The following ARHGEF10L variants were observed in gnomAD, a reference collection of about 807,000 sequenced individuals.
The protein encoded by ARHGEF10L is rho guanine nucleotide exchange factor 10-like protein.
Under a neutral mutation model 141.2 loss-of-function variants are expected in ARHGEF10L, and 69 were observed. That is an observed-to-expected ratio of 0.49 (90% confidence interval 0.40 to 0.60). ARHGEF10L has a LOEUF of 0.60. Ranked by LOEUF, ARHGEF10L falls within the 20% of genes least tolerant of loss-of-function variation. The pLI, the probability that ARHGEF10L is intolerant of heterozygous loss-of-function variation, is 0.00. For missense variants in ARHGEF10L, 1,482 were observed against 1,734.3 expected (o/e 0.85, Z 2.58); for synonymous variants, 711 against 718.5 (o/e 0.99, Z 0.17).
chr1:17,623,326 C>A lies in ARHGEF10L; in HGVS notation c.1200+151C>A. On this transcript the variant is annotated intron_variant, in intron 12 of 28. Transcript: ENST00000361221. This position sits in a 1 kb window ranked among gnomAD's most constrained non-coding sequence, Gnocchi z 4.7. ...GGTGGCAGGGTCTTCTGGGCCTGAT[C>A]TAGGGGTGAGTGTGACACCTTGAAG... 2.1e-6 allele frequency: 2 copies of A among 947,176 alleles called. No homozygotes were observed. Among genetic ancestry groups the A allele is most frequent in the Non-Finnish European group, 3.1e-6 (2 of 644,304 alleles). The allele number at this position is 947,176 out of a possible 1,614,324, so 58.7% of individuals were successfully genotyped here.
At chr1:17,686,905 C>T (rs949953481) in intron 26 of ARHGEF10L, among the ~76,000 whole-genome samples, 2 of 151,550 alleles carry the variant, frequency 1.3e-5, no homozygotes, top group Non-Finnish European at 2.9e-5. Context: ...GTCCACACTC[C>T]ACATCTCAGT....
rs758893075 is a variant in ARHGEF10L at position 17,627,486 on chromosome 1, C to T, written c.1567C>T (p.Arg523Cys). 2.7e-5 allele frequency: 44 copies of T among 1,611,930 alleles called. No homozygotes were observed. The South Asian group carries it at 4.1e-4, about 15-fold the overall frequency. The change falls in exon 15 of 29, where the codon CGC becomes TGC. Residue 523 changes from arginine (R) to cysteine (C), a missense_variant. Physicochemically the swap from Arg to Cys is radical, Grantham distance 180 (BLOSUM62 -3). Around this residue, in one of 3 missense-constraint regions of ARHGEF10L, gnomAD observed 392 missense variants for 542.1 expected, o/e 0.72. Coordinates refer to ENST00000361221, the MANE Select transcript of ARHGEF10L (RefSeq NM_018125.4). The surrounding 1 kb of genome is among the most constrained non-coding windows in gnomAD (Gnocchi z 4.0). ...GCAGCTGACCAAGAGCGTCAGTGAC[C>T]GCAGCAGCCTCAACAAGGTGAGCTG... is the stretch of plus-strand genomic sequence containing the variant. ...IQQLTKSVSDRSSLNKLLTSG... is the reference protein window; with the variant it reads ...IQQLTKSVSDCSSLNKLLTSG...
At chr1:17,523,063 T>C in the ARHGEF10L span, among the ~76,000 whole-genome samples, 1 of 149,836 alleles carries the variant, frequency 6.7e-6, no homozygotes, top group East Asian at 2.0e-4. Flanking sequence ...CATTGTTCCA[T>C]TTTCTTTTTA....
At chr1:17,585,571 G>A (rs549080640) in intron 2 of ARHGEF10L, among the ~76,000 whole-genome samples, 5 of 152,148 alleles carry the variant, frequency 3.3e-5, no homozygotes, top group Admixed American at 1.3e-4. Flanking sequence ...AGGAAGTTGG[G>A]TACTTCTCAT....
At chr1:17,671,139 AG>A (rs1557993796) in intron 26 of ARHGEF10L, among the ~76,000 whole-genome samples, 1 of 152,218 alleles carries the variant, frequency 6.6e-6, no homozygotes, top group African/African-American at 2.4e-5. Flanking sequence ...CCTCTCAGCC[AG>A]TTAGGGGTGA....
chr1:17,556,054 G>A (rs1305218191), intron 1 of ARHGEF10L, among the ~76,000 whole-genome samples: 3 of 149,954 alleles, frequency 2.0e-5, no homozygotes, highest in Non-Finnish European at 4.4e-5. Context: ...TGGGAGCACG[G>A]GGTTGAGCCT....
chr1:17,561,758 T>C (rs2077553757), intron 1 of ARHGEF10L, among the ~76,000 whole-genome samples: 1 of 152,240 alleles, frequency 6.6e-6, no homozygotes. Context: ...TTTGTTTTCC[T>C]TTCTTTTACT....
chr1:17,577,051 T>C (rs1442421752), intron 1 of ARHGEF10L, among the ~76,000 whole-genome samples: 1 of 152,216 alleles, frequency 6.6e-6, no homozygotes, highest in African/African-American at 2.4e-5. Context: ...TGTTTATTTA[T>C]TTATTTATTT....
At chr1:17,535,925 C>CG (rs911392279), upstream of ARHGEF10L, among the ~76,000 whole-genome samples, 13 of 152,090 alleles carry the variant, frequency 8.5e-5, no homozygotes, top group South Asian at 2.1e-4. Context: ...ACTCACAGTC[C>CG]GGGGGGGAGA....
chr1:17,595,933 G>A (rs1437298345), intron 4 of ARHGEF10L, among the ~76,000 whole-genome samples: 1 of 152,210 alleles, frequency 6.6e-6, no homozygotes, highest in Non-Finnish European at 1.5e-5. Flanking sequence ...CTCACAGCTG[G>A]AAGTAGGACT....
At chr1:17,517,326 TTTATTA>T in the ARHGEF10L span, among the ~76,000 whole-genome samples, 1 of 152,146 alleles carries the variant, frequency 6.6e-6, no homozygotes, top group Non-Finnish European at 1.5e-5. Flanking sequence ...AGAGGTGTTT[TTTATTA>T]TTATTATTTA....
chr1:17,684,150 C>A (rs1188424063), intron 26 of ARHGEF10L, among the ~76,000 whole-genome samples: 1 of 152,220 alleles, frequency 6.6e-6, no homozygotes, highest in East Asian at 1.9e-4. Context: ...CTGAAGGGGT[C>A]CCCTTGGCCT....
intron 26 of ARHGEF10L, among the ~76,000 whole-genome samples, chr1:17,665,129 G>A (rs1017454241): frequency 2.0e-5 from 3 of 152,202 alleles, no homozygotes; most frequent in African/African-American, 4.8e-5. Context: ...AGCACTGCCC[G>A]CTCACCTTCA....
At chr1:17,515,142 A>G in the ARHGEF10L span, among the ~76,000 whole-genome samples, 1 of 152,128 alleles carries the variant, frequency 6.6e-6, no homozygotes, top group African/African-American at 2.4e-5. Flanking sequence ...AGGGTCCTCA[A>G]TGGGGGGCAA....
chr1:17,687,818 C>T lies in ARHGEF10L; in HGVS notation c.3184+71C>T, dbSNP rs190475617. 216 of 1,456,250 alleles carry T rather than the reference C, an allele frequency of 1.5e-4. No individual in the cohort carries two copies. In the African/African-American group the frequency reaches 2.8e-3, roughly 19 times the overall value. The allele number at this position is 1,456,250 out of a possible 1,614,324, so 90.2% of individuals were successfully genotyped here. On this transcript the variant is annotated intron_variant, in intron 27 of 28. Coordinates refer to ENST00000361221, the MANE Select transcript of ARHGEF10L (RefSeq NM_018125.4). Reference sequence around the variant, plus strand: ...TTCCACGGCCAGGTAGTGGTGTGACCTGGGCAGCCCATCCCATTTTCCCTC... The same window carrying T: ...TTCCACGGCCAGGTAGTGGTGTGACTTGGGCAGCCCATCCCATTTTCCCTC...
At chr1:17,695,333 C>G in intron 28 of ARHGEF10L, 53 bp downstream of exon 28, 2 of 1,532,262 alleles carry the variant, frequency 1.3e-6, no homozygotes, top group Non-Finnish European at 1.7e-6. Flanking sequence ...CTGCAGGTGG[C>G]CAGTGGGGCT....
intron 1 of ARHGEF10L, among the ~76,000 whole-genome samples, chr1:17,555,267 C>T (rs1473286735): frequency 2.0e-5 from 3 of 151,548 alleles, no homozygotes; most frequent in Non-Finnish European, 4.4e-5. Flanking sequence ...TTTTTTTTCT[C>T]CCAATGAGCA....
Position 17,634,937 on chromosome 1 carries a change from C to A in ARHGEF10L, c.1848C>A (p.Asp616Glu), listed in dbSNP as rs139531360. Reference protein sequence around the residue: ...PQVQVVEVGQDGGTYDKDNVL... With the variant: ...PQVQVVEVGQEGGTYDKDNVL... ...TGCAGGTGGTGGAGGTGGGCCAGGA[C>A]GGTGGCACCTATGACAAGGACAATG... Residue 616 changes from aspartate to glutamate, a missense_variant, in exon 18 of 29, where the codon GAC becomes GAA. Transcript: ENST00000361221. The A allele has an allele frequency of 3.1e-6, 5 of 1,613,992 alleles. No individual in the cohort carries two copies. Among genetic ancestry groups the A allele is most frequent in the Non-Finnish European group, 4.2e-6 (5 of 1,179,990 alleles).
intron 8 of ARHGEF10L, among the ~76,000 whole-genome samples, chr1:17,614,778 G>A (rs1557827850): frequency 6.6e-6 from 1 of 152,188 alleles, no homozygotes; most frequent in Non-Finnish European, 1.5e-5. Flanking sequence ...TTTCCCTGCT[G>A]CTGGTTCCTT....
Sources: allele counts gnomAD v4.1 joint callset (sites outside exome capture counted in the v4.1 genomes callset), GRCh38; gene constraint gnomAD v4.1.1; regional missense constraint gnomAD v4.1.1; non-coding constraint Gnocchi (gnomAD v3.1); transcripts MANE v1.5; gene names NCBI Gene and HGNC (gene_info 2026-07-23, HGNC 2026-07-21).